Variants in ASIC2 observed in about 807,000 individuals in gnomAD.
ASIC2 encodes the protein acid-sensing ion channel 2.
A neutral mutation model predicts 57.3 loss-of-function variants in ASIC2; 25 were observed. The ratio of observed to expected loss-of-function variants is 0.44; its 90% CI spans 0.32 to 0.61. The LOEUF (loss-of-function observed/expected upper bound fraction) is 0.61, where lower values mean the gene tolerates loss of function less well. Among genes scored for constraint, ASIC2 ranks in the 20% least tolerant of loss-of-function variants. The pLI, the probability that ASIC2 is intolerant of heterozygous loss-of-function variation, is 0.06. For synonymous variants in ASIC2, 319 were observed against 307.5 expected, an observed-to-expected ratio of 1.04 and a Z score of -0.39; for missense variants, 641 against 738.1, an observed-to-expected ratio of 0.87 and a Z score of 1.52.
intron 3 of ASIC2, among the ~76,000 whole-genome samples, chr17:33,060,125 G>A (rs2092014743): frequency 6.6e-6 from 1 of 152,168 alleles, no homozygotes. Context: ...TGTTCACTCT[G>A]ATGGTAGTTT....
chr17:33,579,803 C>T (rs1272084947), intron 1 of ASIC2, among the ~76,000 whole-genome samples: 1 of 152,052 alleles, frequency 6.6e-6, no homozygotes, highest in African/African-American at 2.4e-5. Flanking sequence ...CCGTGAAAAA[C>T]ACCCCTTGGA....
intron 1 of ASIC2, among the ~76,000 whole-genome samples, chr17:34,143,989 T>A (rs1266550951): frequency 6.6e-6 from 1 of 152,182 alleles, no homozygotes; most frequent in African/African-American, 2.4e-5. Context: ...TTTTCCACTT[T>A]CAGAGTTATT....
At chr17:33,883,306 G>A (rs1914749060) in intron 1 of ASIC2, among the ~76,000 whole-genome samples, 1 of 152,170 alleles carries the variant, frequency 6.6e-6, no homozygotes, top group Non-Finnish European at 1.5e-5. Flanking sequence ...ACAGCCCCAA[G>A]TGGGTCAATT....
intron 1 of ASIC2, among the ~76,000 whole-genome samples, chr17:33,361,816 G>A (rs1908618830): frequency 2.0e-5 from 3 of 152,120 alleles, no homozygotes; most frequent in Admixed American, 2.0e-4. Context: ...TCTTGCCCTT[G>A]CTAATGTAAC....
intron 1 of ASIC2, among the ~76,000 whole-genome samples, chr17:33,716,396 T>C (rs142776912): frequency 1.3e-5 from 2 of 152,354 alleles, no homozygotes; most frequent in African/African-American, 2.4e-5. Context: ...CTGTAACTGA[T>C]ACACCTCTTT....
At chr17:34,140,206 C>T (rs897599575) in intron 1 of ASIC2, among the ~76,000 whole-genome samples, 2 of 152,184 alleles carry the variant, frequency 1.3e-5, no homozygotes, top group Non-Finnish European at 2.9e-5. Context: ...GATAGGAAGA[C>T]GGGCGCCATT....
chr17:33,437,307 A>G (rs1911659464), intron 1 of ASIC2, among the ~76,000 whole-genome samples: 1 of 152,236 alleles, frequency 6.6e-6, no homozygotes, highest in Non-Finnish European at 1.5e-5. Context: ...ACATTTTTAA[A>G]TGGGCAAGAC....
chr17:33,297,500 A>G (rs577423594), upstream of ASIC2, among the ~76,000 whole-genome samples: 7 of 152,086 alleles, frequency 4.6e-5, no homozygotes, highest in Middle Eastern at 3.2e-3. Context: ...TGTTATGCAA[A>G]TGGTGATAAG....
chr17:33,742,064 G>A (rs1477564987), intron 1 of ASIC2, among the ~76,000 whole-genome samples: 1 of 152,190 alleles, frequency 6.6e-6, no homozygotes, highest in East Asian at 1.9e-4. Context: ...GAGAAATGGG[G>A]CCTGCATATA....
chr17:33,333,952 C>A (rs1386070572), intron 1 of ASIC2, among the ~76,000 whole-genome samples: 1 of 152,234 alleles, frequency 6.6e-6, no homozygotes, highest in Non-Finnish European at 1.5e-5. Flanking sequence ...AGGAAGATGC[C>A]TCTTCAGTGG....
chr17:33,753,390 C>T (rs927878828), intron 1 of ASIC2, among the ~76,000 whole-genome samples: 9 of 152,122 alleles, frequency 5.9e-5, no homozygotes, highest in African/African-American at 2.2e-4. Flanking sequence ...TAGTAGTGGA[C>T]ACACGTCATC....
chr17:33,276,697 T>C (rs1326089690), intron 1 of ASIC2, among the ~76,000 whole-genome samples: 2 of 152,176 alleles, frequency 1.3e-5, no homozygotes, highest in Non-Finnish European at 2.9e-5. Flanking sequence ...TTCAGTATCA[T>C]ATAAAGACAA....
At chr17:33,636,397 C>G (rs1451003044) in intron 1 of ASIC2, among the ~76,000 whole-genome samples, 1 of 152,174 alleles carries the variant, frequency 6.6e-6, no homozygotes, top group Admixed American at 6.5e-5. Context: ...AGCCTTCAGT[C>G]CCTCTCATTA....
At chr17:33,880,724 A>G (rs930880661) in intron 1 of ASIC2, among the ~76,000 whole-genome samples, 10 of 152,250 alleles carry the variant, frequency 6.6e-5, no homozygotes, top group Non-Finnish European at 1.5e-4. Context: ...TATTCTGATC[A>G]ATAGAAAAAG....
At chr17:33,372,534 C>T (rs1374796407) in intron 1 of ASIC2, among the ~76,000 whole-genome samples, 2 of 152,136 alleles carry the variant, frequency 1.3e-5, no homozygotes, top group East Asian at 3.9e-4. Flanking sequence ...GGAACTACCG[C>T]CCTTCCCAGC....
In ASIC2 at chr17:33,092,011, C is replaced by T. The variant is rs563212053; in HGVS notation, c.860-3021G>A. Among the ~76,000 whole-genome samples the T allele has an allele frequency of 2.0e-5, 3 of 152,358 alleles. No homozygotes were observed. The South Asian group carries it at 6.2e-4, about 32-fold the overall frequency. ...GATAGCACAGTTCTAGAATATCCAGCTATGAGCAGACTACAGCCCTCCCAG... is the reference window on the plus strand; with the variant it reads ...GATAGCACAGTTCTAGAATATCCAGTTATGAGCAGACTACAGCCCTCCCAG... On this transcript the variant is annotated intron_variant, in intron 2 of 9. Coordinates refer to ENST00000225823, the MANE Select transcript of ASIC2 (RefSeq NM_183377.2).
chr17:33,572,638 T>C (rs1341433402), intron 1 of ASIC2, among the ~76,000 whole-genome samples: 1 of 152,216 alleles, frequency 6.6e-6, no homozygotes, highest in Non-Finnish European at 1.5e-5. Flanking sequence ...TAGAACTCAG[T>C]GCCTCTTTAT....
intron 2 of ASIC2, among the ~76,000 whole-genome samples, chr17:33,108,810 G>A (rs2092245462): frequency 6.6e-6 from 1 of 152,124 alleles, no homozygotes; most frequent in South Asian, 2.1e-4. Context: ...TGGAAAATGG[G>A]GACAAGGAGT....
At chr17:33,137,060 C>A (rs2092369735) in intron 1 of ASIC2, among the ~76,000 whole-genome samples, 1 of 152,184 alleles carries the variant, frequency 6.6e-6, no homozygotes, top group Non-Finnish European at 1.5e-5. Flanking sequence ...TGGAACGTAG[C>A]TAACATTTCT....
Sources: gnomAD v4.1 joint callset for allele counts (sites outside exome capture counted in the v4.1 genomes callset) on GRCh38, gnomAD v4.1.1 for gene constraint, MANE v1.5 for transcripts, NCBI Gene and HGNC (gene_info 2026-07-23, HGNC 2026-07-21) for gene names.